Variants in AKAP9 observed in about 807,000 individuals in gnomAD.
AKAP9 encodes A-kinase anchoring protein 9, also known as A-kinase anchor protein 9.
In AKAP9, 311 loss-of-function variants were observed where a neutral mutation model predicts 488.5. The ratio of observed to expected loss-of-function variants is 0.64; its 90% CI spans 0.58 to 0.70. The LOEUF is 0.70. Among genes scored for constraint, AKAP9 ranks in the 30% least tolerant of loss-of-function variants. AKAP9 has a pLI of 0.00. For synonymous variants in AKAP9, 1,462 were observed against 1,483.5 expected, an observed-to-expected ratio of 0.99 and a Z score of 0.33; for missense variants, 4,215 against 4,374.5, an observed-to-expected ratio of 0.96 and a Z score of 1.03.
chr7:91,944,449 G>A (rs952860025), intron 1 of AKAP9, among the ~76,000 whole-genome samples: 6 of 150,974 alleles, frequency 4.0e-5, no homozygotes, highest in African/African-American at 1.5e-4. Flanking sequence ...TGCAGTGGCA[G>A]GATCTTGGCT....
At chr7:91,999,529 C>T (rs1798869411) in intron 7 of AKAP9, among the ~76,000 whole-genome samples, 1 of 152,080 alleles carries the variant, frequency 6.6e-6, no homozygotes, top group Admixed American at 6.6e-5. Context: ...TATATTATTT[C>T]CATGGGCAAA....
Position 92,097,585 on chromosome 7 carries a change from G to C in AKAP9, c.10399-1G>C. ...TTTCTTATTCTGTCCAAAATTGCCA[G>C]CCAACCACGTGGAGCTTAACCAGTG... On this transcript the variant is annotated splice_acceptor_variant, in intron 41 of 49. Transcript: ENST00000356239. LOFTEE classifies it high-confidence loss of function. The C allele has an allele frequency of 6.2e-7, 1 of 1,613,100 alleles. No individual in the cohort carries two copies. The highest frequency in any genetic ancestry group is 1.1e-5 in the South Asian group (1 of 91,006).
intron 29 of AKAP9, among the ~76,000 whole-genome samples, 194 bp from the exon 30 acceptor site, chr7:92,077,502 A>G (rs1336495124): frequency 3.3e-5 from 5 of 152,178 alleles, no homozygotes; most frequent in Admixed American, 3.3e-4. Context: ...CCCAACCTGA[A>G]CATTTGAATT....
At chr7:92,100,465 G>A (rs566771435) in intron 44 of AKAP9, among the ~76,000 whole-genome samples, 24 of 152,212 alleles carry the variant, frequency 1.6e-4, no homozygotes, top group African/African-American at 5.8e-4. Context: ...ACACATTTAC[G>A]TGCCTTTTAT....
At chr7:91,982,393 CA>C (rs1245987045) in intron 3 of AKAP9, among the ~76,000 whole-genome samples, 1 of 151,970 alleles carries the variant, frequency 6.6e-6, no homozygotes, top group Admixed American at 6.6e-5. Flanking sequence ...GCCCTGTGTC[CA>C]AGTGTTCTCA....
Position 92,084,624 on chromosome 7 carries a change from TG to T in AKAP9, c.8647-15del. 6.3e-7 allele frequency: 1 copy of T among 1,592,266 alleles called. No homozygotes were observed. Among genetic ancestry groups the T allele is most frequent in the African/African-American group, 1.3e-5 (1 of 74,348 alleles). ...TAAAGCAAAAAATATATGTACTTTT[TG>T]TTTTCTCTAATTAGGGATCCTCAAT... On this transcript the variant is annotated splice_polypyrimidine_tract_variant and intron_variant, in intron 33 of 49. Transcript: ENST00000356239.
At chr7:92,042,215 C>G (rs1304279093) in intron 19 of AKAP9, 29 bp downstream of exon 19, 1 of 1,613,030 alleles carries the variant, frequency 6.2e-7, no homozygotes, top group East Asian at 2.2e-5. Flanking sequence ...CACCTAGGAG[C>G]AATGGATCAC....
At chr7:91,945,233 G>A (rs1474889089) in intron 1 of AKAP9, among the ~76,000 whole-genome samples, 7 of 152,108 alleles carry the variant, frequency 4.6e-5, no homozygotes, top group African/African-American at 1.4e-4. Context: ...CAGGTGGGGC[G>A]CAGTGGCTCA....
At chr7:91,961,526 C>G (rs1793728444) in intron 1 of AKAP9, among the ~76,000 whole-genome samples, 1 of 151,904 alleles carries the variant, frequency 6.6e-6, no homozygotes, top group Non-Finnish European at 1.5e-5. Flanking sequence ...TTGTTTTATT[C>G]AGAATGATCA....
intron 3 of AKAP9, among the ~76,000 whole-genome samples, chr7:91,986,128 T>G (rs780324655): frequency 1.3e-5 from 2 of 152,094 alleles, no homozygotes; most frequent in Non-Finnish European, 2.9e-5. Flanking sequence ...TTCTACCTGG[T>G]TTAGTCTTGG....
Position 91,940,956 on chromosome 7 carries a change from T to C in AKAP9, c.-144T>C. On this transcript the variant is annotated 5_prime_UTR_variant, in exon 1 of 50. Transcript: ENST00000356239. ...TCCGCCAGTGAGCGCGGAGACTGCT[T>C]CCACTTCGGGCGGGGGAGCGCCGGA... is the stretch of plus-strand genomic sequence containing the variant. 1 of 858,518 alleles carries C rather than the reference T, an allele frequency of 1.2e-6. No individual in the cohort carries two copies. The highest frequency in any genetic ancestry group is 1.4e-5 in the South Asian group (1 of 71,324). The allele number at this position is 858,518 out of a possible 1,614,324, so 53.2% of individuals were successfully genotyped here.
At chr7:92,093,845 A>AT (rs1417948157) in intron 39 of AKAP9, among the ~76,000 whole-genome samples, 7 of 151,684 alleles carry the variant, frequency 4.6e-5, no homozygotes, top group Non-Finnish European at 8.8e-5. Flanking sequence ...TATTTATTTT[A>AT]TTTTATTTTT....
chr7:92,085,425 G>T, intron 35 of AKAP9, 70 bp from the exon 36 acceptor site: 1 of 1,413,784 alleles, frequency 7.1e-7, no homozygotes. Context: ...ATTTATTTCT[G>T]TTTGTAAGTC....
intron 14 of AKAP9, among the ~76,000 whole-genome samples, chr7:92,027,334 A>C (rs1402274214): frequency 1.1e-5 from 1 of 93,796 alleles, no homozygotes; most frequent in Admixed American, 1.2e-4. Context: ...CCGTCTAGGA[A>C]GTGAGGAGCG....
intron 1 of AKAP9, among the ~76,000 whole-genome samples, chr7:91,945,243 A>C (rs1005224333): frequency 6.6e-6 from 1 of 152,166 alleles, no homozygotes; most frequent in African/African-American, 2.4e-5. Context: ...GCAGTGGCTC[A>C]CACCTGTAAT....
At chr7:92,077,899 T>A (rs1392560344) in intron 30 of AKAP9, 24 bp downstream of exon 30, 2 of 1,575,998 alleles carry the variant, frequency 1.3e-6, no homozygotes, top group Non-Finnish European at 1.7e-6. Context: ...AAATTGATTA[T>A]GAAATTAATA....
intron 4 of AKAP9, among the ~76,000 whole-genome samples, 179 bp downstream of exon 4, chr7:91,992,390 G>GTGGTGGC (rs900448417): frequency 6.6e-6 from 1 of 152,072 alleles, no homozygotes; most frequent in Non-Finnish European, 1.5e-5. Context: ...TAGGCCAGGC[G>GTGGTGGC]TGGTGGCTTA....
intron 10 of AKAP9, among the ~76,000 whole-genome samples, chr7:92,014,608 AACAGAGTGGGACTCT>A (rs1801250634): frequency 6.6e-6 from 1 of 152,148 alleles, no homozygotes; most frequent in Non-Finnish European, 1.5e-5. Flanking sequence ...CAGCCTGGGT[AACAGAGTGGGACTCT>A]GTCTCAAAAA....
chr7:92,016,400 A>C, intron 11 of AKAP9, 133 bp downstream of exon 11: 1 of 648,902 alleles, frequency 1.5e-6, no homozygotes, highest in Non-Finnish European at 2.6e-6. Context: ...TCCTCCTTTC[A>C]GATTCATGAA....
Sources: gnomAD v4.1 joint callset for allele counts (sites outside exome capture counted in the v4.1 genomes callset) on GRCh38, gnomAD v4.1.1 for gene constraint, MANE v1.5 for transcripts, NCBI Gene and HGNC (gene_info 2026-07-23, HGNC 2026-07-21) for gene names.